Variants in RNF145 observed in about 807,000 individuals in gnomAD.
RNF145 encodes the protein ring finger protein 145.
Under a neutral mutation model 57.3 loss-of-function variants are expected in RNF145, and 12 were observed. That is an observed-to-expected ratio of 0.21 (90% CI 0.13 to 0.34). The LOEUF is 0.34. Among genes scored for constraint, RNF145 ranks in the 10% least tolerant of loss-of-function variants. The probability of loss-of-function intolerance (pLI) is 1.00; values close to 1 mark genes in which losing one functional copy is unlikely to be tolerated. For synonymous variants in RNF145, 262 were observed against 288.3 expected, an observed-to-expected ratio of 0.91 and a Z score of 0.92; for missense variants, 429 against 799.0, an observed-to-expected ratio of 0.54 and a Z score of 5.58.
intron 2 of RNF145, 120 bp downstream of exon 2, chr5:159,203,314 A>G (rs1267694696): frequency 1.4e-4 from 95 of 674,812 alleles, no homozygotes; most frequent in East Asian, 1.4e-3. Flanking sequence ...ACACTCATCA[A>G]TAACTATATC....
chr5:159,186,598 C>T (rs1436362822), intron 3 of RNF145, among the ~76,000 whole-genome samples: 1 of 152,172 alleles, frequency 6.6e-6, no homozygotes, highest in Non-Finnish European at 1.5e-5. Flanking sequence ...CCTGTATTTC[C>T]TTATATGCCT....
intron 2 of RNF145, among the ~76,000 whole-genome samples, chr5:159,197,321 T>C (rs1047827626): frequency 7.9e-5 from 12 of 152,200 alleles, no homozygotes; most frequent in African/African-American, 1.4e-4. Flanking sequence ...AACAGAAAGA[T>C]TGGGAGATGA....
In RNF145 at chr5:159,158,778, G is replaced by C; in HGVS notation, c.1884C>G (p.Asp628Glu). ...PGTRIQEGSR[D>E]NNEYIARRPD... ...GTCGTCTGGCAATGTACTCATTATT[G>C]TCCCTGGAACCTTCCTGTATCCTGG... Residue 628 changes from aspartate to glutamate, a missense_variant, in exon 11 of 11, where the codon GAC becomes GAG. Coordinates refer to ENST00000424310, the MANE Select transcript of RNF145 (RefSeq NM_001199383.2). 1 of 1,613,940 alleles carries C rather than the reference G, an allele frequency of 6.2e-7. No individual in the cohort carries two copies. Among genetic ancestry groups the C allele is most frequent in the Non-Finnish European group, 8.5e-7 (1 of 1,179,870 alleles).
intron 2 of RNF145, among the ~76,000 whole-genome samples, chr5:159,199,258 C>T (rs188095806): frequency 1.4e-4 from 21 of 152,182 alleles, no homozygotes; most frequent in Non-Finnish European, 2.8e-4. Flanking sequence ...GCCCAAACTA[C>T]GTTCGGTCAC....
chr5:159,203,176 T>C (rs902017271), intron 2 of RNF145, among the ~76,000 whole-genome samples: 1 of 152,210 alleles, frequency 6.6e-6, no homozygotes, highest in Non-Finnish European at 1.5e-5. Context: ...TATTTCATCA[T>C]ATTAAAATCT....
chr5:159,181,295 A>C (rs1472043301), intron 4 of RNF145, among the ~76,000 whole-genome samples: 2 of 152,060 alleles, frequency 1.3e-5, no homozygotes, highest in African/African-American at 4.8e-5. Context: ...TCTAGTGTAA[A>C]GGGCTGGGGA....
upstream of RNF145, chr5:159,209,919 T>C: frequency 6.5e-7 from 1 of 1,535,742 alleles, no homozygotes; most frequent in Non-Finnish European, 8.7e-7. Context: ...GTAGCAATGA[T>C]GCGAGAATTC....
chr5:159,194,652 T>C (rs1785395116), intron 3 of RNF145, 64 bp downstream of exon 3: 2 of 1,077,430 alleles, frequency 1.9e-6, no homozygotes, highest in East Asian at 2.4e-5. Flanking sequence ...ATGAAAAGTA[T>C]TTTATTGGCA....
intron 3 of RNF145, among the ~76,000 whole-genome samples, chr5:159,189,092 A>AC (rs1010223141): frequency 2.0e-5 from 3 of 152,010 alleles, no homozygotes; most frequent in African/African-American, 7.3e-5. Context: ...TTTGTAAATT[A>AC]TAGATCTGAT....
At chr5:159,195,810 C>T (rs966237638) in intron 2 of RNF145, among the ~76,000 whole-genome samples, 1 of 152,196 alleles carries the variant, frequency 6.6e-6, no homozygotes, top group Non-Finnish European at 1.5e-5. Flanking sequence ...ACTTATTATA[C>T]AGGCAAAAAC....
intron 3 of RNF145, among the ~76,000 whole-genome samples, chr5:159,187,892 T>A (rs753338988): frequency 1.1e-4 from 17 of 152,200 alleles, no homozygotes; most frequent in Non-Finnish European, 2.2e-4. Flanking sequence ...AATGGAGAGC[T>A]GATTATCCAT....
At chr5:159,189,348 T>C (rs1319377055) in intron 3 of RNF145, among the ~76,000 whole-genome samples, 1 of 152,232 alleles carries the variant, frequency 6.6e-6, no homozygotes, top group Non-Finnish European at 1.5e-5. Flanking sequence ...TGAACACATG[T>C]AAAGATGTTT....
chr5:159,167,453 C>T (rs898923817), intron 8 of RNF145, among the ~76,000 whole-genome samples: 6 of 152,182 alleles, frequency 3.9e-5, no homozygotes, highest in African/African-American at 1.4e-4. Flanking sequence ...TGGGAAGACC[C>T]ACAACTGCCA....
At chr5:159,195,388 C>T (rs1785425133) in intron 2 of RNF145, among the ~76,000 whole-genome samples, 1 of 152,022 alleles carries the variant, frequency 6.6e-6, no homozygotes, top group South Asian at 2.1e-4. Flanking sequence ...TTTCTCATTC[C>T]ACTGTCAAAT....
chr5:159,178,668 T>C (rs2113145820), intron 4 of RNF145, among the ~76,000 whole-genome samples: 1 of 152,206 alleles, frequency 6.6e-6, no homozygotes, highest in African/African-American at 2.4e-5. Flanking sequence ...TCTAACATTA[T>C]GCTCCAAGAA....
In RNF145 at chr5:159,203,476, G is replaced by C. The variant is rs746148799; in HGVS notation, c.142C>G (p.Leu48Val). 1 of 1,614,080 alleles carries C rather than the reference G, an allele frequency of 6.2e-7. No homozygotes were observed. Among genetic ancestry groups the C allele is most frequent in the Non-Finnish European group, 8.5e-7 (1 of 1,179,940 alleles). ...AGAGCCAAATACTTATACTGGAAAA[G>C]AGGGTTATTACTAAGGCTACTTCTT... ...IQRSSLSNNP[L>V]FQYKYLALNM... Residue 48 changes from leucine (L) to valine (V), a missense_variant, in exon 2 of 11, where the codon CTT becomes GTT. Physicochemically the swap from Leu to Val is conservative, Grantham distance 32 (BLOSUM62 1). Around this residue, in one of 4 missense-constraint regions of RNF145, gnomAD observed 109 missense variants for 207.2 expected, o/e 0.53. Transcript: ENST00000424310.
chr5:159,187,573 C>T (rs1452688687), intron 3 of RNF145, among the ~76,000 whole-genome samples: 3 of 152,052 alleles, frequency 2.0e-5, no homozygotes, highest in African/African-American at 7.2e-5. Context: ...GTGATTCACC[C>T]GCCTCAGCCT....
chr5:159,169,064 A>C lies in RNF145; in HGVS notation c.939-9T>G. On this transcript the variant is annotated splice_polypyrimidine_tract_variant and intron_variant, in intron 7 of 10. Transcript: ENST00000424310. ...CTCCTTCTGTCATGCCCCTAAAAAA[A>C]GCATACATTTTCAGAAAACATAAAA... 1 of 1,529,574 alleles carries C rather than the reference A, an allele frequency of 6.5e-7. No homozygotes were observed. The highest frequency in any genetic ancestry group is 2.3e-5 in the East Asian group (1 of 43,164). 94.8% of individuals were successfully genotyped at this position (1,529,574 alleles called of 1,614,324 possible).
At chr5:159,209,968 C>G (rs943583813), upstream of RNF145, 2 of 1,463,644 alleles carry the variant, frequency 1.4e-6, no homozygotes, top group Non-Finnish European at 1.9e-6. Context: ...ACTGTAAACT[C>G]CTTGGCGTCT....
Sources: allele counts gnomAD v4.1 joint callset (sites outside exome capture counted in the v4.1 genomes callset), GRCh38; gene constraint gnomAD v4.1.1; regional missense constraint gnomAD v4.1.1; transcripts MANE v1.5; gene names NCBI Gene and HGNC (gene_info 2026-07-23, HGNC 2026-07-21).